F8: variants seen among roughly 807,000 people sequenced by gnomAD.
F8 encodes coagulation factor VIII.
F8 carries 12 observed loss-of-function variants against 140.6 expected under a neutral mutation model. The observed-to-expected ratio is 0.09, with a 90% CI of 0.05 to 0.14. F8 has a LOEUF of 0.14. Ranked by LOEUF, F8 falls within the 10% of genes least tolerant of loss-of-function variation. F8 has a pLI of 1.00. For synonymous variants in F8, 585 were observed against 614.6 expected (o/e 0.95, Z 0.71); for missense variants, 1,354 against 1,720.7 (o/e 0.79, Z 3.77).
intron 1 of F8, among the ~76,000 whole-genome samples, chrX:155,009,299 A>G (rs1336216135): frequency 1.8e-5 from 2 of 109,854 alleles, no homozygotes; most frequent in African/African-American, 6.6e-5. Flanking sequence ...ACATTCACCA[A>G]CTCATCCCTA....
At chrX:154,862,956 G>A in intron 23 of F8, 127 bp downstream of exon 23, 1 of 731,782 alleles carries the variant, frequency 1.4e-6, no homozygotes, top group Non-Finnish European at 2.1e-6. Flanking sequence ...GGACTATGCT[G>A]GTTTTAGCAC....
intron 14 of F8, among the ~76,000 whole-genome samples, chrX:154,922,954 C>A (rs1322681441): frequency 1.7e-4 from 19 of 111,238 alleles, no homozygotes; most frequent in Non-Finnish European, 2.6e-4. Context: ...ACTTTAGATG[C>A]AATGTTGGGA....
intron 1 of F8, among the ~76,000 whole-genome samples, chrX:155,004,521 G>A (rs1208174899): frequency 9.0e-6 from 1 of 111,712 alleles, no homozygotes; most frequent in African/African-American, 3.3e-5. Flanking sequence ...TGTATGAAAG[G>A]AGGAGCCATG....
Position 154,931,549 on chromosome X carries a change from T to C in F8, c.2241A>G (p.Ala747=). 1 of 1,211,059 alleles carries C rather than the reference T, an allele frequency of 8.3e-7. No individual in the cohort carries two copies. The highest frequency in any genetic ancestry group is 1.8e-5 in the South Asian group (1 of 56,964). Residue 747 remains alanine (A), a synonymous_variant, in exon 14 of 26, where the codon GCA becomes GCG. Coordinates refer to ENST00000360256, the MANE Select transcript of F8 (RefSeq NM_000132.4). Reference sequence around the variant, plus strand: ...TGGCATTGTTTTTACTCAGCAAGTATGCTGAAATATCTTCATAACTGTCCT... The same window carrying C: ...TGGCATTGTTTTTACTCAGCAAGTACGCTGAAATATCTTCATAACTGTCCT... ...YYEDSYEDIS[A]YLLSKNNAIE... is the part of the protein sequence containing the mutation.
In F8 at chrX:155,001,816, G is replaced by T. The variant is rs2073648058; in HGVS notation, c.144-2216C>A. ...GGTCTTAGCTGCTTTGGTGCCTGGG[G>T]TGGGAGGATCACTTGAGCCCAGACA... is the stretch of plus-strand genomic sequence containing the variant. On this transcript the variant is annotated intron_variant, in intron 1 of 25. Coordinates refer to ENST00000360256, the MANE Select transcript of F8 (RefSeq NM_000132.4). Among the ~76,000 whole-genome samples the T allele has an allele frequency of 1.4e-4, 15 of 110,728 alleles. No homozygotes were observed. The Admixed American group carries it at 1.4e-3, about 11-fold the overall frequency.
intron 12 of F8, 102 bp from the exon 13 acceptor site, chrX:154,948,009 A>G: frequency 1.5e-6 from 1 of 651,136 alleles, no homozygotes; most frequent in Non-Finnish European, 2.5e-6. Context: ...TGTTATGCCC[A>G]TTATCTTATT....
At chrX:154,999,306 C>T (rs2073634308) in intron 2 of F8, among the ~76,000 whole-genome samples, 173 bp downstream of exon 2, 1 of 109,835 alleles carries the variant, frequency 9.1e-6, no homozygotes, top group Non-Finnish European at 1.9e-5. Context: ...CAGAGGAAGA[C>T]GGCCCAGCAA....
In F8 at chrX:155,009,823, T is replaced by C. The variant is rs926679290; in HGVS notation, c.144-10223A>G. Among the ~76,000 whole-genome samples, 4 of 111,295 alleles carry C rather than the reference T, an allele frequency of 3.6e-5. 1 individual carries two copies. Among genetic ancestry groups the C allele is most frequent in the African/African-American group, 1.3e-4 (4 of 30,633 alleles). On this transcript the variant is annotated intron_variant, in intron 1 of 25. Coordinates refer to ENST00000360256, the MANE Select transcript of F8 (RefSeq NM_000132.4). ...ATAAAATATGTTATAGAGCAATAGA[T>C]TGGAAGATCAGAGAGGGAACAGGAT...
In F8 at chrX:154,902,089, T is replaced by C. The variant is rs1557275988; in HGVS notation, c.6077A>G (p.His2026Arg). 3 of 1,210,506 alleles carry C rather than the reference T, an allele frequency of 2.5e-6. No homozygotes were observed. Among genetic ancestry groups the C allele is most frequent in the Admixed American group, 2.2e-5 (1 of 46,036 alleles). The change falls in exon 19 of 26, where the codon CAT becomes CGT. Residue 2026 changes from histidine (H) to arginine (R), a missense_variant. Physicochemically the swap from His to Arg is conservative, Grantham distance 29. This residue lies in a region of F8 where 316 missense variants were observed against 485.4 expected (regional missense o/e 0.65). Coordinates refer to ENST00000360256, the MANE Select transcript of F8 (RefSeq NM_000132.4). ...RVECLIGEHL[H>R]AGMSTLFLVY... ...CAGAAAAAGTGTGCTCATCCCAGCA[T>C]GTAGATGCTCGCCAATAAGGCATTC... is the stretch of plus-strand genomic sequence containing the variant.
At chrX:154,973,965 ATGTG>A (rs782207804) in intron 6 of F8, among the ~76,000 whole-genome samples, 13 of 103,396 alleles carry the variant, frequency 1.3e-4, no homozygotes, top group Admixed American at 2.1e-4. Context: ...TCTGGCTAGC[ATGTG>A]TGTGTGTGTG....
chrX:154,891,751 G>T (rs782667715), intron 22 of F8, among the ~76,000 whole-genome samples: 2 of 112,343 alleles, frequency 1.8e-5, no homozygotes, highest in Non-Finnish European at 3.8e-5. Flanking sequence ...AGGTGCCTGG[G>T]GCTGTGTAAA....
chrX:154,974,907 T>C (rs2073476577), intron 6 of F8, among the ~76,000 whole-genome samples: 1 of 111,971 alleles, frequency 8.9e-6, no homozygotes, highest in Admixed American at 9.5e-5. Flanking sequence ...TATAATTCTT[T>C]GTATTTCTGT....
chrX:154,962,645 C>T lies in F8; in HGVS notation c.1444-1477G>A, dbSNP rs782695698. ...CTTTGGGAGGCTGAGGCAGGAGGAT[C>T]GTTTGAGCCCAGGACTTCAAGACCA... On this transcript the variant is annotated intron_variant, in intron 9 of 25. Coordinates refer to ENST00000360256, the MANE Select transcript of F8 (RefSeq NM_000132.4). Among the ~76,000 whole-genome samples the T allele has an allele frequency of 6.9e-4, 77 of 111,568 alleles. 1 individual carries two copies. In the South Asian group the frequency reaches 0.029, roughly 42 times the overall value.
intron 1 of F8, among the ~76,000 whole-genome samples, chrX:155,019,101 C>T (rs782111446): frequency 3.5e-4 from 39 of 111,855 alleles, no homozygotes; most frequent in Non-Finnish European, 6.8e-4. Flanking sequence ...CATCTATGAA[C>T]ATAATTTGTT....
chrX:154,914,910 CT>C (rs1557276982), intron 14 of F8, among the ~76,000 whole-genome samples: 3 of 111,644 alleles, frequency 2.7e-5, no homozygotes, highest in African/African-American at 6.5e-5. Context: ...AGTGCCCCCC[CT>C]ACCTCGGTAC....
intron 11 of F8, among the ~76,000 whole-genome samples, chrX:154,956,437 C>T (rs782110484): frequency 3.6e-4 from 40 of 111,987 alleles, no homozygotes; most frequent in African/African-American, 1.0e-3. Context: ...GTTCAGAGAT[C>T]GCAGTAAAGA....
Position 154,930,054 on chromosome X carries a change from G to T in F8, c.3736C>A (p.Leu1246Ile), listed in dbSNP as rs1438293020. The T allele has an allele frequency of 8.3e-7, 1 of 1,211,084 alleles. No individual in the cohort carries two copies. Among genetic ancestry groups the T allele is most frequent in the Non-Finnish European group, 1.1e-6 (1 of 895,315 alleles). Residue 1246 changes from leucine (L) to isoleucine (I), a missense_variant, in exon 14 of 26, where the codon CTT becomes ATT. By Grantham distance (5) the Leu-to-Ile change is conservative (BLOSUM62 2). Coordinates refer to ENST00000360256, the MANE Select transcript of F8 (RefSeq NM_000132.4). ...VTGTKNFMKN[L>I]FLLSTRQNVE... Reference sequence around the variant, plus strand: ...TTTTGCCTAGTGCTCAGTAAGAAAAGGTTCTTCATGAAATTCTTAGTGCCA... The same window carrying T: ...TTTTGCCTAGTGCTCAGTAAGAAAATGTTCTTCATGAAATTCTTAGTGCCA...
chrX:154,917,525 C>T (rs1367080005), intron 14 of F8, among the ~76,000 whole-genome samples: 1 of 111,918 alleles, frequency 8.9e-6, no homozygotes, highest in Non-Finnish European at 1.9e-5. Flanking sequence ...TTTCTTTGAG[C>T]TTTTTATTCA....
At chrX:154,876,523 A>G (rs1054344977) in intron 22 of F8, among the ~76,000 whole-genome samples, 9 of 112,119 alleles carry the variant, frequency 8.0e-5, no homozygotes, top group Admixed American at 6.6e-4. Flanking sequence ...TATACCAGAA[A>G]TCACAATATT....
Sources: gnomAD v4.1 joint callset for allele counts (sites outside exome capture counted in the v4.1 genomes callset) on GRCh38, gnomAD v4.1.1 for gene constraint, gnomAD v4.1.1 regional missense constraint, MANE v1.5 for transcripts, NCBI Gene and HGNC (gene_info 2026-07-23, HGNC 2026-07-21) for gene names.